TDRD5: variants seen among roughly 807,000 people sequenced by gnomAD.
TDRD5 encodes the protein tudor domain-containing protein 5.
In TDRD5, 41 loss-of-function variants were observed where a neutral mutation model predicts 120.6. The ratio of observed to expected loss-of-function variants is 0.34; its 90% confidence interval spans 0.26 to 0.44. The LOEUF is 0.44. Ranked by LOEUF, TDRD5 falls within the 20% of genes least tolerant of loss-of-function variation. The probability of loss-of-function intolerance (pLI) is 1.00; values close to 1 mark genes in which losing one functional copy is unlikely to be tolerated. For synonymous variants in TDRD5, 430 were observed against 433.7 expected, an observed-to-expected ratio of 0.99 and a Z score of 0.11; for missense variants, 1,006 against 1,221.2, an observed-to-expected ratio of 0.82 and a Z score of 2.63.
intron 11 of TDRD5, among the ~76,000 whole-genome samples, chr1:179,641,396 G>C (rs1678040437): frequency 6.6e-6 from 1 of 152,104 alleles, no homozygotes; most frequent in Admixed American, 6.5e-5. Context: ...CAGGCGTGGT[G>C]GTGGGCGCCT....
intron 10 of TDRD5, 118 bp downstream of exon 10, chr1:179,640,169 T>C (rs1358883074): frequency 1.7e-6 from 2 of 1,180,816 alleles, no homozygotes; most frequent in Non-Finnish European, 2.4e-6. Flanking sequence ...CTTCCTTCCT[T>C]CTTCTTAGTG....
At chr1:179,601,093 A>G (rs1439413386) in intron 4 of TDRD5, among the ~76,000 whole-genome samples, 1 of 152,054 alleles carries the variant, frequency 6.6e-6, no homozygotes, top group Non-Finnish European at 1.5e-5. Context: ...TGAGTATAAT[A>G]TTCTATAAAT....
intron 17 of TDRD5, among the ~76,000 whole-genome samples, chr1:179,671,821 A>T (rs938801567): frequency 4.6e-5 from 7 of 152,126 alleles, no homozygotes; most frequent in African/African-American, 1.7e-4. Context: ...CCCACCTATG[A>T]CTGAGAACAT....
chr1:179,640,541 T>C, intron 11 of TDRD5, 96 bp downstream of exon 11: 1 of 1,287,190 alleles, frequency 7.8e-7, no homozygotes, highest in Non-Finnish European at 1.1e-6. Flanking sequence ...AGATAAAACG[T>C]AGAACCAGCC....
At chr1:179,648,610 A>T (rs1678537330) in intron 11 of TDRD5, among the ~76,000 whole-genome samples, 1 of 151,548 alleles carries the variant, frequency 6.6e-6, no homozygotes, top group South Asian at 2.1e-4. Context: ...AAAAAAAAAG[A>T]AACAAACCAC....
chr1:179,615,354 C>T (rs1205127200), intron 4 of TDRD5, among the ~76,000 whole-genome samples: 1 of 152,008 alleles, frequency 6.6e-6, no homozygotes, highest in Non-Finnish European at 1.5e-5. Flanking sequence ...TCTCTGTTAA[C>T]GTGTATGTAT....
chr1:179,651,206 T>G, intron 12 of TDRD5, 139 bp downstream of exon 12: 3 of 887,190 alleles, frequency 3.4e-6, no homozygotes, highest in Non-Finnish European at 5.0e-6. Context: ...GGCTTTTTAA[T>G]GCAGAGCACT....
intron 4 of TDRD5, among the ~76,000 whole-genome samples, chr1:179,598,101 G>C (rs1279793196): frequency 6.6e-6 from 1 of 152,104 alleles, no homozygotes; most frequent in African/African-American, 2.4e-5. Flanking sequence ...ATAGCCTATT[G>C]CTCATAGGCT....
At position 179,687,183 on chromosome 1, in the gene TDRD5, G is replaced by T. The variant is rs914756907; in HGVS notation, c.2861-3513G>T. ...CTGGTTTCTCTTGTGGGCATTTAGT[G>T]CTATAAATTTCCCTCTACACACTGC... On this transcript the variant is annotated intron_variant, in intron 17 of 17. Transcript: ENST00000444136. Among the ~76,000 whole-genome samples the T allele has an allele frequency of 4.9e-4, 74 of 152,276 alleles. 1 individual carries two copies. Among genetic ancestry groups the T allele is most frequent in the African/African-American group, 1.8e-3 (73 of 41,554 alleles).
intron 17 of TDRD5, among the ~76,000 whole-genome samples, chr1:179,687,832 T>TA (rs1467718943): frequency 6.6e-6 from 1 of 151,762 alleles, no homozygotes; most frequent in Non-Finnish European, 1.5e-5. Context: ...TTTGTTGGTT[T>TA]AAAGTCTGTT....
intron 4 of TDRD5, among the ~76,000 whole-genome samples, chr1:179,596,039 T>C (rs1321309641): frequency 1.3e-5 from 2 of 152,196 alleles, no homozygotes; most frequent in Non-Finnish European, 2.9e-5. Context: ...CACTATTTTC[T>C]GCAAATGACT....
chr1:179,680,749 A>T (rs564484449), intron 17 of TDRD5, among the ~76,000 whole-genome samples: 2 of 152,218 alleles, frequency 1.3e-5, no homozygotes, highest in East Asian at 3.9e-4. Context: ...GGGTCACTTG[A>T]CCCCAGGAGT....
rs1409286203 is a variant in TDRD5 at position 179,690,976 on chromosome 1, C to T, written c.*33C>T. 6 of 1,590,556 alleles carry T rather than the reference C, an allele frequency of 3.8e-6. No homozygotes were observed. The highest frequency in any genetic ancestry group is 1.7e-4 in the Middle Eastern group (1 of 5,908). ...AGGGAGGAGGGAGAAAAACAGAATC[C>T]AGCCGCTTAGGCTTTGATGAACTCC... On this transcript the variant is annotated 3_prime_UTR_variant, in exon 18 of 18. Coordinates refer to ENST00000444136, the MANE Select transcript of TDRD5 (RefSeq NM_001199085.3).
intron 17 of TDRD5, among the ~76,000 whole-genome samples, chr1:179,690,033 T>C (rs562870740): frequency 9.2e-5 from 14 of 152,328 alleles, no homozygotes; most frequent in Non-Finnish European, 1.3e-4. Flanking sequence ...CTGCTTCGGC[T>C]CATGCTCTGT....
intron 4 of TDRD5, among the ~76,000 whole-genome samples, chr1:179,598,937 G>C (rs1388952919): frequency 6.6e-6 from 1 of 151,918 alleles, no homozygotes; most frequent in African/African-American, 2.4e-5. Context: ...GGAAAATCTT[G>C]ACTTGTTCCT....
At chr1:179,649,792 CT>C (rs1678611628) in intron 11 of TDRD5, among the ~76,000 whole-genome samples, 1 of 152,022 alleles carries the variant, frequency 6.6e-6, no homozygotes, top group Non-Finnish European at 1.5e-5. Context: ...TGCTCGTTGT[CT>C]TTGAAAAATT....
intron 13 of TDRD5, among the ~76,000 whole-genome samples, chr1:179,652,696 A>G (rs1007553502): frequency 1.3e-5 from 2 of 152,196 alleles, no homozygotes; most frequent in Admixed American, 1.3e-4. Flanking sequence ...TACCAGGTTT[A>G]TACTTTCATA....
chr1:179,647,823 G>T, intron 11 of TDRD5, among the ~76,000 whole-genome samples: 1 of 145,430 alleles, frequency 6.9e-6, no homozygotes, highest in Non-Finnish European at 1.5e-5. Flanking sequence ...AGACATTTAT[G>T]CAGCCAAAAA....
At chr1:179,674,702 C>A (rs1171356139) in intron 17 of TDRD5, among the ~76,000 whole-genome samples, 1 of 152,056 alleles carries the variant, frequency 6.6e-6, no homozygotes, top group African/African-American at 2.4e-5. Flanking sequence ...TTTTTTATTA[C>A]CATTTCAATC....
Sources: allele counts gnomAD v4.1 joint callset (sites outside exome capture counted in the v4.1 genomes callset), GRCh38; gene constraint gnomAD v4.1.1; transcripts MANE v1.5; gene names NCBI Gene and HGNC (gene_info 2026-07-23, HGNC 2026-07-21).